Variants in ZNRF1 observed in about 807,000 individuals in gnomAD.
The protein encoded by ZNRF1 is zinc and ring finger 1.
Under a neutral mutation model 18.4 loss-of-function variants are expected in ZNRF1, and 3 were observed. That is an observed-to-expected ratio of 0.16 (90% confidence interval 0.07 to 0.42). The LOEUF is 0.42. Ranked by LOEUF, ZNRF1 falls within the 10% of genes least tolerant of loss-of-function variation. ZNRF1 has a pLI of 0.99. For missense variants in ZNRF1, 310 were observed against 329.8 expected, an observed-to-expected ratio of 0.94 and a Z score of 0.47; for synonymous variants, 157 against 144.2, an observed-to-expected ratio of 1.09 and a Z score of -0.64.
chr16:75,008,189 A>G (rs907254018), intron 1 of ZNRF1, among the ~76,000 whole-genome samples: 10 of 152,112 alleles, frequency 6.6e-5, no homozygotes, highest in African/African-American at 2.4e-4. Context: ...CTTTATTTTC[A>G]GTATTTCTAG....
Position 75,093,466 on chromosome 16 carries a change from C to G in ZNRF1, c.425-106C>G, listed in dbSNP as rs554341563. 1.9e-4 allele frequency: 154 copies of G among 826,696 alleles called. 3 individuals carry two copies. The South Asian group carries it at 2.2e-3, about 12-fold the overall frequency. The allele number at this position is 826,696 out of a possible 1,614,324, so 51.2% of individuals were successfully genotyped here. A position where few individuals can be genotyped will look rare whatever the true frequency, so the allele number is the denominator to read the frequency against. On this transcript the variant is annotated intron_variant, in intron 1 of 4. Coordinates refer to ENST00000335325, the MANE Select transcript of ZNRF1 (RefSeq NM_032268.5). ...CAGGGTCTGTTCTGATGGTCATCCT[C>G]CACATTGACCCTGAGCCCACATGGC...
chr16:75,067,994 A>G (rs932623652), intron 1 of ZNRF1, among the ~76,000 whole-genome samples: 1 of 152,156 alleles, frequency 6.6e-6, no homozygotes, highest in Non-Finnish European at 1.5e-5. Context: ...TGAATATCCT[A>G]TAATTCACTG....
intron 2 of ZNRF1, 38 bp downstream of exon 2, chr16:75,093,705 C>G (rs1241428654): frequency 6.4e-7 from 1 of 1,562,490 alleles, no homozygotes; most frequent in Non-Finnish European, 8.8e-7. Context: ...TCCAGAGCAT[C>G]CGTCGGGGGA....
At chr16:75,045,897 C>CT (rs368188768) in intron 1 of ZNRF1, among the ~76,000 whole-genome samples, 3 of 147,828 alleles carry the variant, frequency 2.0e-5, no homozygotes, top group Non-Finnish European at 3.0e-5. Context: ...TTAATGTTTG[C>CT]TTTTTTTTTT....
chr16:75,058,154 A>C (rs2035691609), intron 1 of ZNRF1, among the ~76,000 whole-genome samples: 1 of 142,748 alleles, frequency 7.0e-6, no homozygotes, highest in African/African-American at 2.6e-5. Flanking sequence ...TATTTTAGAG[A>C]CGGGGGGGTG....
chr16:75,040,042 C>CTTTTTTT (rs57122648), intron 1 of ZNRF1, among the ~76,000 whole-genome samples: 348 of 78,788 alleles, frequency 4.4e-3, no homozygotes, highest in Non-Finnish European at 6.1e-3. Flanking sequence ...TCTTTTCTTT[C>CTTTTTTT]TTTTTTTTTT....
At chr16:75,033,885 G>C (rs1337276655) in intron 1 of ZNRF1, among the ~76,000 whole-genome samples, 1 of 152,004 alleles carries the variant, frequency 6.6e-6, no homozygotes, top group Non-Finnish European at 1.5e-5. Flanking sequence ...AGTGGCTCAC[G>C]CCTGTAATCC....
In ZNRF1 at chr16:74,999,209, C is replaced by T. The variant is rs1449883739; in HGVS notation, c.-463C>T. 1 of 147,116 alleles carries T rather than the reference C, an allele frequency of 6.8e-6. No homozygotes were observed. Among genetic ancestry groups the T allele is most frequent in the African/African-American group, 2.4e-5 (1 of 40,908 alleles). The allele number at this position is 147,116 out of a possible 1,614,324, so 9.1% of individuals were successfully genotyped here. A position where few individuals can be genotyped will look rare whatever the true frequency, so the allele number is the denominator to read the frequency against. On this transcript the variant is annotated 5_prime_UTR_variant, in exon 1 of 5. Transcript: ENST00000335325. ...GCCTGGAGGGGTCCGGGCCGCCGTC[C>T]ATGGTCGCGGCGTCCTGAGGCGGGG...
intron 2 of ZNRF1, among the ~76,000 whole-genome samples, chr16:75,103,551 A>C (rs1425020162): frequency 6.6e-6 from 1 of 152,148 alleles, no homozygotes; most frequent in African/African-American, 2.4e-5. Flanking sequence ...ATAACATTTT[A>C]GTTATGCACG....
intron 1 of ZNRF1, among the ~76,000 whole-genome samples, chr16:75,011,578 C>T (rs2035000919): frequency 6.6e-6 from 1 of 152,110 alleles, no homozygotes; most frequent in Non-Finnish European, 1.5e-5. Context: ...ACAAGTGTTC[C>T]TAAATACCCA....
chr16:75,097,965 C>A (rs1263721093), intron 2 of ZNRF1, among the ~76,000 whole-genome samples: 1 of 152,222 alleles, frequency 6.6e-6, no homozygotes, highest in Non-Finnish European at 1.5e-5. Context: ...ATGAAAGCAC[C>A]CTACCCTTTC....
At chr16:75,017,557 A>G (rs1228485353) in intron 1 of ZNRF1, among the ~76,000 whole-genome samples, 1 of 152,218 alleles carries the variant, frequency 6.6e-6, no homozygotes, top group Non-Finnish European at 1.5e-5. Flanking sequence ...ACAACTTTTC[A>G]AGTTTAAGAA....
chr16:75,018,976 GC>G (rs1250762237), intron 1 of ZNRF1, among the ~76,000 whole-genome samples: 1 of 152,044 alleles, frequency 6.6e-6, no homozygotes, highest in Non-Finnish European at 1.5e-5. Flanking sequence ...GACCAGCCTG[GC>G]TAACATGATG....
intron 1 of ZNRF1, among the ~76,000 whole-genome samples, chr16:75,051,916 TAA>T (rs1166428672): frequency 1.3e-5 from 2 of 152,244 alleles, no homozygotes; most frequent in Non-Finnish European, 2.9e-5. Context: ...CATTTCAAAG[TAA>T]ACTATAGACA....
At chr16:75,021,986 C>T (rs555386606) in intron 1 of ZNRF1, among the ~76,000 whole-genome samples, 2 of 152,124 alleles carry the variant, frequency 1.3e-5, no homozygotes, top group Non-Finnish European at 2.9e-5. Context: ...GTTTCTTAAA[C>T]TCTTTTGTAT....
chr16:75,005,495 G>T (rs2034905614), intron 1 of ZNRF1, among the ~76,000 whole-genome samples: 1 of 152,148 alleles, frequency 6.6e-6, no homozygotes. Context: ...TTGGGAAAAG[G>T]AACATGCTTT....
intron 1 of ZNRF1, among the ~76,000 whole-genome samples, chr16:75,029,737 C>T (rs769658215): frequency 1.4e-4 from 21 of 151,708 alleles, no homozygotes; most frequent in Non-Finnish European, 7.4e-5. Context: ...CCACTGCACT[C>T]TAGCCTGGGT....
rs764258009 is a variant in ZNRF1 at position 75,095,791 on chromosome 16, C to A, written c.520+2124C>A. ...TCCTCTGCCAGAGAACTGCCTGGGA[C>A]GCCACCATGTGTCCCCCTGTCCCCC... On this transcript the variant is annotated intron_variant, in intron 2 of 4. Transcript: ENST00000335325. 7 of 1,465,864 alleles carry A rather than the reference C, an allele frequency of 4.8e-6. 1 individual carries two copies. The South Asian group carries it at 9.6e-5, about 20-fold the overall frequency. The allele number at this position is 1,465,864 out of a possible 1,614,324, so 90.8% of individuals were successfully genotyped here.
chr16:75,029,598 C>G (rs1047406375), intron 1 of ZNRF1, among the ~76,000 whole-genome samples: 1 of 20,282 alleles, frequency 4.9e-5, no homozygotes, highest in African/African-American at 7.3e-5. Context: ...GAAAACCCAT[C>G]TCTACAAAAA....
Sources: gnomAD v4.1 joint callset for allele counts (sites outside exome capture counted in the v4.1 genomes callset) on GRCh38, gnomAD v4.1.1 for gene constraint, MANE v1.5 for transcripts, NCBI Gene and HGNC (gene_info 2026-07-23, HGNC 2026-07-21) for gene names.